CERS6: variants seen among roughly 807,000 people sequenced by gnomAD.
CERS6 encodes the protein LAG1 homolog, ceramide synthase 6.
Under a neutral mutation model 56.8 loss-of-function variants are expected in CERS6, and 26 were observed. The observed-to-expected ratio is 0.46, with a 90% CI of 0.34 to 0.63. The LOEUF (loss-of-function observed/expected upper bound fraction) is 0.63, where lower values mean the gene tolerates loss of function less well. Among genes scored for constraint, CERS6 ranks in the 30% least tolerant of loss-of-function variants. The pLI is 0.01. For missense variants in CERS6, 415 were observed against 467.5 expected, an observed-to-expected ratio of 0.89 and a Z score of 1.04; for synonymous variants, 164 against 173.3, an observed-to-expected ratio of 0.95 and a Z score of 0.42.
At chr2:168,704,455 C>T (rs1442040645) in intron 6 of CERS6, among the ~76,000 whole-genome samples, 1 of 152,094 alleles carries the variant, frequency 6.6e-6, no homozygotes, top group East Asian at 1.9e-4. Flanking sequence ...CCCACTTTGG[C>T]CGTTTATAGC....
At chr2:168,607,376 C>CT (rs1330497299) in intron 3 of CERS6, among the ~76,000 whole-genome samples, 8 of 151,840 alleles carry the variant, frequency 5.3e-5, no homozygotes, top group African/African-American at 1.2e-4. Context: ...ACTAGTATAT[C>CT]TTTTTTTTGT....
At chr2:168,639,499 A>G (rs1684937837) in intron 4 of CERS6, among the ~76,000 whole-genome samples, 3 of 152,250 alleles carry the variant, frequency 2.0e-5, no homozygotes, top group Non-Finnish European at 2.9e-5. Context: ...TGGCGTTCAC[A>G]TACCATGATC....
At chr2:168,538,450 A>G (rs1190397433) in intron 1 of CERS6, among the ~76,000 whole-genome samples, 2 of 151,724 alleles carry the variant, frequency 1.3e-5, no homozygotes, top group African/African-American at 4.8e-5. Context: ...TCCTTCCCCC[A>G]CTTATCTTTC....
At chr2:168,522,525 T>C (rs1364918330) in intron 1 of CERS6, among the ~76,000 whole-genome samples, 1 of 151,202 alleles carries the variant, frequency 6.6e-6, no homozygotes, top group Admixed American at 6.6e-5. Context: ...GGCTCTTCCC[T>C]GTAACTTAGG....
intron 1 of CERS6, among the ~76,000 whole-genome samples, chr2:168,508,970 T>A (rs13409550): frequency 0.016 from 2,469 of 152,334 alleles, 49 homozygotes; most frequent in African/African-American, 0.057. Context: ...TTATGTCTCT[T>A]ATCTATCTTG....
intron 3 of CERS6, among the ~76,000 whole-genome samples, chr2:168,579,578 A>T (rs2105394890): frequency 6.6e-6 from 1 of 151,804 alleles, no homozygotes; most frequent in Non-Finnish European, 1.5e-5. Context: ...TTTGATTCTT[A>T]CTCATTTCTT....
intron 4 of CERS6, among the ~76,000 whole-genome samples, chr2:168,662,543 A>G (rs1685657285): frequency 6.6e-6 from 1 of 152,204 alleles, no homozygotes; most frequent in Non-Finnish European, 1.5e-5. Context: ...AGCCTGGCCA[A>G]CATGGTGAAA....
At chr2:168,514,628 CAG>C (rs1267928489) in intron 1 of CERS6, among the ~76,000 whole-genome samples, 8 of 152,204 alleles carry the variant, frequency 5.3e-5, no homozygotes, top group African/African-American at 1.4e-4. Context: ...ACCACTAAAT[CAG>C]ATGTTATAGA....
At chr2:168,469,844 A>C (rs1693945056) in intron 1 of CERS6, among the ~76,000 whole-genome samples, 1 of 152,152 alleles carries the variant, frequency 6.6e-6, no homozygotes, top group African/African-American at 2.4e-5. Flanking sequence ...ACTTTGAGAA[A>C]TACTGGCAGA....
chr2:168,731,841 C>T (rs1286742866), intron 8 of CERS6, among the ~76,000 whole-genome samples: 2 of 152,202 alleles, frequency 1.3e-5, no homozygotes, highest in Non-Finnish European at 2.9e-5. Context: ...ATACGTGAAG[C>T]ACTGAAGGAA....
At chr2:168,754,640 C>T (rs1684367254) in intron 8 of CERS6, among the ~76,000 whole-genome samples, 1 of 152,230 alleles carries the variant, frequency 6.6e-6, no homozygotes, top group South Asian at 2.1e-4. Context: ...CCAGAACCTT[C>T]TCAAGAGATT....
chr2:168,769,511 T>C lies in CERS6; in HGVS notation c.1004T>C (p.Val335Ala). 2 of 1,584,276 alleles carry C rather than the reference T, an allele frequency of 1.3e-6. No individual in the cohort carries two copies. The highest frequency in any genetic ancestry group is 1.7e-6 in the Non-Finnish European group (2 of 1,169,610). Residue 335 changes from valine (V) to alanine (A), a missense_variant and splice_region_variant, in exon 10 of 10, where the codon GTG (valine) becomes GCG (alanine). Coordinates refer to ENST00000305747, the MANE Select transcript of CERS6 (RefSeq NM_203463.3). Reference sequence around the variant, plus strand: ...TACTCACCTGCTTCTACTCCACAGGTGTCCAAGGATGATCGAAGTGATATT... The same window carrying C: ...TACTCACCTGCTTCTACTCCACAGGCGTCCAAGGATGATCGAAGTGATATT... ...IACKAVSRGKVSKDDRSDIES... is the reference protein window; with the variant it reads ...IACKAVSRGKASKDDRSDIES...
chr2:168,599,549 A>C (rs950761916), intron 3 of CERS6, among the ~76,000 whole-genome samples: 8 of 152,218 alleles, frequency 5.3e-5, no homozygotes, highest in Non-Finnish European at 1.0e-4. Context: ...TCTTGTCCTG[A>C]AAGACTTCTG....
At chr2:168,594,577 C>T (rs1683752760) in intron 3 of CERS6, among the ~76,000 whole-genome samples, 1 of 151,912 alleles carries the variant, frequency 6.6e-6, no homozygotes, top group South Asian at 2.1e-4. Flanking sequence ...AGAGTGAGAC[C>T]CTGTCTCAAA....
intron 8 of CERS6, among the ~76,000 whole-genome samples, chr2:168,720,749 G>T (rs527511819): frequency 2.6e-5 from 4 of 152,146 alleles, no homozygotes; most frequent in Non-Finnish European, 5.9e-5. Flanking sequence ...CTTGTTAAGT[G>T]AGATTATTTA....
chr2:168,663,003 G>T (rs1431332011), intron 4 of CERS6, among the ~76,000 whole-genome samples: 1 of 152,202 alleles, frequency 6.6e-6, no homozygotes, highest in Non-Finnish European at 1.5e-5. Context: ...CTGGAATCCA[G>T]TGTGAATGGA....
chr2:168,502,316 A>T (rs770041215), intron 1 of CERS6, among the ~76,000 whole-genome samples: 2 of 151,832 alleles, frequency 1.3e-5, no homozygotes, highest in Non-Finnish European at 2.9e-5. Context: ...AGACTCTGAA[A>T]CTGTCTTTTG....
intron 4 of CERS6, among the ~76,000 whole-genome samples, chr2:168,656,379 A>G (rs1685468970): frequency 6.6e-6 from 1 of 152,216 alleles, no homozygotes; most frequent in Non-Finnish European, 1.5e-5. Context: ...ACTGACTTCA[A>G]GAATGAAGCC....
At chr2:168,556,628 T>G (rs1251365311) in intron 2 of CERS6, among the ~76,000 whole-genome samples, 1 of 152,286 alleles carries the variant, frequency 6.6e-6, no homozygotes, top group Admixed American at 6.5e-5. Context: ...TTATTCATAC[T>G]TCATAAAGAA....
Sources: gnomAD v4.1 joint callset for allele counts (sites outside exome capture counted in the v4.1 genomes callset) on GRCh38, gnomAD v4.1.1 for gene constraint, MANE v1.5 for transcripts, NCBI Gene and HGNC (gene_info 2026-07-23, HGNC 2026-07-21) for gene names.